NFATC1: variants seen among roughly 807,000 people sequenced by gnomAD.
The protein encoded by NFATC1 is nuclear factor of activated T-cells, cytoplasmic 1.
NFATC1 carries 22 observed loss-of-function variants against 76.0 expected under a neutral mutation model. The ratio of observed to expected loss-of-function variants is 0.29; its 90% CI spans 0.21 to 0.41. NFATC1 has a LOEUF of 0.41. NFATC1 is among the 10% of genes least tolerant of loss of function. The pLI is 1.00. For missense variants in NFATC1, 1,357 were observed against 1,337.7 expected (o/e 1.01, Z -0.23); for synonymous variants, 704 against 613.1 (o/e 1.15, Z -2.19).
At chr18:79,433,502 C>T (rs1001815593) in intron 2 of NFATC1, 77 bp from the exon 3 acceptor site, 33 of 1,560,024 alleles carry the variant, frequency 2.1e-5, no homozygotes, top group African/African-American at 5.4e-5. Context: ...AAGATGGCGA[C>T]GGGTGAGCAC....
chr18:79,520,532 G>T lies in NFATC1; in HGVS notation c.2783-6996G>T, dbSNP rs1007259674. Among the ~76,000 whole-genome samples the T allele has an allele frequency of 6.3e-5, 9 of 141,968 alleles. 1 individual carries two copies. The highest frequency in any genetic ancestry group is 2.2e-4 in the South Asian group (1 of 4,558). 93.1% of individuals were successfully genotyped at this position (141,968 alleles called of 152,430 possible). A position where few individuals can be genotyped will look rare whatever the true frequency, so the allele number is the denominator to read the frequency against. On this transcript the variant is annotated intron_variant, in intron 9 of 9. Transcript: ENST00000427363. ...CCAAGCAGCAGAAGACTCTGTGTGT[G>T]GGGGGGGGAGGGTGCATCCACCACT...
Position 79,486,137 on chromosome 18 carries a change from G to A in NFATC1, c.2093-111G>A, listed in dbSNP as rs570568269. 4.5e-5 allele frequency: 42 copies of A among 924,940 alleles called. No individual in the cohort carries two copies. In the African/African-American group the frequency reaches 6.1e-4, roughly 13 times the overall value. The allele number at this position is 924,940 out of a possible 1,614,324, so 57.3% of individuals were successfully genotyped here. A position where few individuals can be genotyped will look rare whatever the true frequency, so the allele number is the denominator to read the frequency against. The stretch of plus-strand genomic sequence containing the variant: ...TGGGAGAACCAGGCAGGAGACAGAG[G>A]GACCCAGTCAGGGCCCTGTTGGTTT... On this transcript the variant is annotated intron_variant, in intron 8 of 9. Transcript: ENST00000427363.
intron 8 of NFATC1, among the ~76,000 whole-genome samples, chr18:79,473,816 G>A (rs1431573003): frequency 6.8e-5 from 10 of 146,454 alleles, no homozygotes; most frequent in Admixed American, 2.0e-4. Flanking sequence ...GCTCACTGTT[G>A]ACGTAAACCT....
intron 9 of NFATC1, chr18:79,498,345 A>T (rs913372778): frequency 1.6e-4 from 22 of 138,100 alleles, no homozygotes; most frequent in Non-Finnish European, 3.2e-4. Context: ...CCATAATGAG[A>T]TTTTTAAAAA....
intron 8 of NFATC1, among the ~76,000 whole-genome samples, chr18:79,473,993 A>AGT (rs2088908351): frequency 1.0e-5 from 1 of 99,730 alleles, no homozygotes; most frequent in East Asian, 3.2e-4. Flanking sequence ...TTGCGAGGGA[A>AGT]GCGTTTTCAC....
intron 1 of NFATC1, among the ~76,000 whole-genome samples, chr18:79,400,978 C>T (rs1219763054): frequency 2.1e-5 from 2 of 97,442 alleles, no homozygotes; most frequent in African/African-American, 8.0e-5. Context: ...CGTCTCCCCA[C>T]GCCCCGCAGA....
chr18:79,475,378 C>T lies in NFATC1; in HGVS notation c.2092+7796C>T, dbSNP rs372483480. On this transcript the variant is annotated intron_variant, in intron 8 of 9. Coordinates refer to ENST00000427363, the MANE Select transcript of NFATC1 (RefSeq NM_001278669.2). ...AGGGTGTTTTCACGCTCACTGTCGA[C>T]GTTGCGAGGGAAGCGTGTTCTCACG... is the stretch of plus-strand genomic sequence containing the variant. Among the ~76,000 whole-genome samples the T allele has an allele frequency of 2.9e-4, 39 of 134,468 alleles. 1 individual carries two copies. The South Asian group carries it at 8.8e-3, about 30-fold the overall frequency. 88.2% of individuals were successfully genotyped at this position (134,468 alleles called of 152,430 possible). A position where few individuals can be genotyped will look rare whatever the true frequency, so the allele number is the denominator to read the frequency against.
In NFATC1 at chr18:79,498,679, A is replaced by G. The variant is rs150478276; in HGVS notation, c.2782+11742A>G. ...ATTCAGTGCATCCAAATGGTTCACA[A>G]AATTCAAATGGGATAAATTAAAAGC... On this transcript the variant is annotated intron_variant, in intron 9 of 9. Transcript: ENST00000427363. 2.0e-4 allele frequency among the ~76,000 whole-genome samples: 31 copies of G among 152,340 alleles called. No individual in the cohort carries two copies. The East Asian group carries it at 5.6e-3, about 27-fold the overall frequency.
At chr18:79,526,100 C>G (rs113510081) in intron 9 of NFATC1, among the ~76,000 whole-genome samples, 1 of 152,224 alleles carries the variant, frequency 6.6e-6, no homozygotes, top group African/African-American at 2.4e-5. Context: ...TGCGTTGTGC[C>G]GAGGCCCCGC....
In NFATC1 at chr18:79,411,465, C is replaced by CGAA; in HGVS notation, c.1192_1194dup (p.Lys398dup). On this transcript the variant is annotated inframe_insertion, in exon 2 of 10. Coordinates refer to ENST00000427363, the MANE Select transcript of NFATC1 (RefSeq NM_001278669.2). Reference sequence around the variant, plus strand: ...GTGCCGCAGCACCCCTACCAGTGGGCGAAGCCCAAGCCCCTGTCCCCTACG... The same window carrying CGAA: ...GTGCCGCAGCACCCCTACCAGTGGGCGAAGAAGCCCAAGCCCCTGTCCCCTACG... The CGAA allele has an allele frequency of 6.7e-7, 1 of 1,500,720 alleles. No individual in the cohort carries two copies. Among genetic ancestry groups the CGAA allele is most frequent in the Middle Eastern group, 1.8e-4 (1 of 5,488 alleles). 93.0% of individuals were successfully genotyped at this position (1,500,720 alleles called of 1,614,324 possible). A position where few individuals can be genotyped will look rare whatever the true frequency, so the allele number is the denominator to read the frequency against.
chr18:79,408,800 C>G (rs1013146983), intron 1 of NFATC1, among the ~76,000 whole-genome samples: 1 of 151,998 alleles, frequency 6.6e-6, no homozygotes, highest in East Asian at 1.9e-4. Context: ...TCCATTATTC[C>G]TCCATTCCCT....
intron 9 of NFATC1, among the ~76,000 whole-genome samples, chr18:79,523,650 CA>C (rs1422236471): frequency 6.6e-6 from 1 of 152,162 alleles, no homozygotes; most frequent in Non-Finnish European, 1.5e-5. Context: ...CACTCAATTC[CA>C]GATGTGTATA....
intron 6 of NFATC1, among the ~76,000 whole-genome samples, chr18:79,456,451 C>A (rs890919814): frequency 2.0e-5 from 3 of 152,208 alleles, no homozygotes; most frequent in African/African-American, 7.2e-5. Context: ...CAGGGTGTCG[C>A]GGAAGCCCCG....
At chr18:79,512,090 G>A (rs1218519911) in intron 9 of NFATC1, among the ~76,000 whole-genome samples, 2 of 152,130 alleles carry the variant, frequency 1.3e-5, no homozygotes, top group Middle Eastern at 3.2e-3. Flanking sequence ...CTGGCATGGC[G>A]GACAGAGAGG....
chr18:79,439,310 G>A (rs886416366), intron 3 of NFATC1, among the ~76,000 whole-genome samples: 4 of 152,208 alleles, frequency 2.6e-5, no homozygotes, highest in African/African-American at 9.6e-5. Context: ...CAGGAGCTGT[G>A]CTATTGCAGA....
chr18:79,416,082 T>G (rs895279743), intron 2 of NFATC1, among the ~76,000 whole-genome samples: 2 of 152,212 alleles, frequency 1.3e-5, no homozygotes, highest in Admixed American at 6.5e-5. Flanking sequence ...AAAAAAACCC[T>G]GTTTATTTCA....
At chr18:79,522,310 C>T (rs1465788042) in intron 9 of NFATC1, among the ~76,000 whole-genome samples, 15 of 110,722 alleles carry the variant, frequency 1.4e-4, no homozygotes, top group South Asian at 6.1e-4. Context: ...TAGGGGCTGG[C>T]GCCTGCTGAT....
At chr18:79,481,685 G>C (rs184770472) in intron 8 of NFATC1, among the ~76,000 whole-genome samples, 2 of 152,378 alleles carry the variant, frequency 1.3e-5, no homozygotes, top group East Asian at 1.9e-4. Flanking sequence ...ATAGACCCTC[G>C]TGAGCCAGGC....
chr18:79,427,399 GAGCTGGATGGCTGGCCTCT>G (rs2086385649), intron 2 of NFATC1, among the ~76,000 whole-genome samples: 4 of 125,572 alleles, frequency 3.2e-5, no homozygotes, highest in African/African-American at 1.1e-4. Context: ...GGGTTGGGGG[GAGCTGGATGGCTGGCCTCT>G]GTGCGGTGGG....
Sources: gnomAD v4.1 joint callset for allele counts (sites outside exome capture counted in the v4.1 genomes callset) on GRCh38, gnomAD v4.1.1 for gene constraint, MANE v1.5 for transcripts, NCBI Gene and HGNC (gene_info 2026-07-23, HGNC 2026-07-21) for gene names.